The following UTP20 variants were observed in gnomAD, a reference collection of about 807,000 sequenced individuals.
UTP20 encodes the protein UTP20 small subunit processome component, also known as small subunit processome component 20 homolog.
In UTP20, 164 loss-of-function variants were observed where a neutral mutation model predicts 329.5. The ratio of observed to expected loss-of-function variants is 0.50; its 90% CI spans 0.44 to 0.57. The LOEUF is 0.57. UTP20 is among the 20% of genes least tolerant of loss of function. The probability of loss-of-function intolerance (pLI) is 0.00; values close to 1 mark genes in which losing one functional copy is unlikely to be tolerated. For missense variants in UTP20, 3,055 were observed against 3,284.2 expected, an observed-to-expected ratio of 0.93 and a Z score of 1.71; for synonymous variants, 1,151 against 1,159.3, an observed-to-expected ratio of 0.99 and a Z score of 0.14.
At chr12:101,314,935 TA>T (rs946140780) in intron 21 of UTP20, among the ~76,000 whole-genome samples, 13 of 150,948 alleles carry the variant, frequency 8.6e-5, no homozygotes, top group African/African-American at 3.2e-4. Flanking sequence ...CTACTAAAAA[TA>T]CAAAAATTAG....
At chr12:101,360,273 G>A (rs1284561412) in intron 43 of UTP20, among the ~76,000 whole-genome samples, 3 of 152,172 alleles carry the variant, frequency 2.0e-5, no homozygotes, top group African/African-American at 7.2e-5. Context: ...ACAGTGGTGT[G>A]TACCTTTAGT....
At chr12:101,321,461 CTG>C in intron 24 of UTP20, 41 bp from the exon 25 acceptor site, 1 of 1,606,028 alleles carries the variant, frequency 6.2e-7, no homozygotes, top group East Asian at 2.2e-5. Context: ...TTCAAAAGCA[CTG>C]TTGATAAAGT....
chr12:101,296,647 C>A (rs1007113515), intron 12 of UTP20, among the ~76,000 whole-genome samples: 2 of 151,494 alleles, frequency 1.3e-5, no homozygotes, highest in African/African-American at 4.9e-5. Context: ...ACTGAGGAGG[C>A]TGAGGCAGGA....
At chr12:101,311,599 A>G (rs996856131) in intron 19 of UTP20, 120 bp from the exon 20 acceptor site, 5 of 875,722 alleles carry the variant, frequency 5.7e-6, no homozygotes, top group African/African-American at 5.1e-5. Flanking sequence ...ACGACTCCAC[A>G]TTGAGGGATA....
At position 101,291,797 on chromosome 12, in the gene UTP20, C is replaced by T; in HGVS notation, c.947C>T (p.Ser316Phe). The stretch of plus-strand genomic sequence containing the variant: ...ACAAAAACTAACTGTTGTGAAAGTT[C>T]TGAACAGATTAAAAGGTTGTTGGAA... ...KVTKTNCCESSEQIKRLLETY... is the reference protein window; with the variant it reads ...KVTKTNCCESFEQIKRLLETY... Residue 316 changes from serine to phenylalanine, a missense_variant, in exon 9 of 62, where the codon TCT becomes TTT. By Grantham distance (155) the Ser-to-Phe change is radical. This residue lies in a region of UTP20 where 2,445 missense variants were observed against 2,575.5 expected (regional missense o/e 0.95). Transcript: ENST00000261637. The T allele has an allele frequency of 6.2e-7, 1 of 1,612,770 alleles. No homozygotes were observed. Among genetic ancestry groups the T allele is most frequent in the Non-Finnish European group, 8.5e-7 (1 of 1,179,634 alleles).
At chr12:101,372,788 T>A (rs1870336573) in intron 51 of UTP20, 96 bp from the exon 52 acceptor site, 3 of 984,514 alleles carry the variant, frequency 3.0e-6, no homozygotes, top group Admixed American at 2.0e-5. Context: ...TCTGTAAAGT[T>A]TTTATAACCT....
At chr12:101,286,532 A>G (rs759695659) in intron 5 of UTP20, 23 bp downstream of exon 5, 1 of 1,499,696 alleles carries the variant, frequency 6.7e-7, no homozygotes, top group South Asian at 1.4e-5. Context: ...TCTCTCTAGT[A>G]TGTTTTTTAA....
intron 21 of UTP20, among the ~76,000 whole-genome samples, chr12:101,314,536 T>C (rs772262311): frequency 5.9e-5 from 9 of 151,826 alleles, no homozygotes; most frequent in Non-Finnish European, 8.8e-5. Flanking sequence ...TGGGTGCCTG[T>C]AGTCCCAGCT....
intron 37 of UTP20, 133 bp downstream of exon 37, chr12:101,345,827 A>G: frequency 3.7e-6 from 3 of 801,362 alleles, no homozygotes; most frequent in Non-Finnish European, 5.6e-6. Context: ...CTTTATGATC[A>G]TCATTGAAAT....
intron 11 of UTP20, 65 bp downstream of exon 11, chr12:101,293,310 T>C (rs1872233879): frequency 2.1e-6 from 3 of 1,442,764 alleles, no homozygotes; most frequent in African/African-American, 2.8e-5. Flanking sequence ...ACGATCAAAT[T>C]TGAAATCCTG....
intron 40 of UTP20, among the ~76,000 whole-genome samples, chr12:101,354,368 A>G (rs936089984): frequency 2.0e-5 from 3 of 152,032 alleles, no homozygotes; most frequent in African/African-American, 7.2e-5. Context: ...CCAAACATTC[A>G]AGGGGTAGAT....
At chr12:101,316,790 A>G (rs1217620895) in intron 21 of UTP20, among the ~76,000 whole-genome samples, 1 of 152,256 alleles carries the variant, frequency 6.6e-6, no homozygotes, top group African/African-American at 2.4e-5. Flanking sequence ...AATGCATTAA[A>G]TGACAGACTT....
intron 26 of UTP20, among the ~76,000 whole-genome samples, chr12:101,328,868 CAAA>C (rs34117186): frequency 2.8e-5 from 3 of 106,028 alleles, no homozygotes; most frequent in Non-Finnish European, 4.0e-5. Context: ...GACTCTGTCT[CAAA>C]AAAAAAAAAA....
At position 101,373,672 on chromosome 12, in the gene UTP20, G is replaced by T; in HGVS notation, c.7036G>T (p.Ala2346Ser). The change falls in exon 54 of 62, where the codon GCA becomes TCA. Residue 2346 changes from alanine (A) to serine (S), a missense_variant. Physicochemically the swap from Ala to Ser is moderately conservative, Grantham distance 99 (BLOSUM62 1). Coordinates refer to ENST00000261637, the MANE Select transcript of UTP20 (RefSeq NM_014503.3). The stretch of plus-strand genomic sequence containing the variant: ...TGACTCTGCCACGTGCAAAAAGATG[G>T]CATCCATGACAATCAAGTCCCTACT... ...NDDSATCKKMASMTIKSLLGK... is the reference protein window; with the variant it reads ...NDDSATCKKMSSMTIKSLLGK... 1.2e-6 allele frequency: 2 copies of T among 1,612,972 alleles called. No individual in the cohort carries two copies. The highest frequency in any genetic ancestry group is 1.7e-6 in the Non-Finnish European group (2 of 1,179,814).
chr12:101,311,537 T>C (rs530040398), intron 19 of UTP20, among the ~76,000 whole-genome samples, 182 bp from the exon 20 acceptor site: 1 of 152,226 alleles, frequency 6.6e-6, no homozygotes, highest in Non-Finnish European at 1.5e-5. Flanking sequence ...TAAAAATGAT[T>C]TGTGCTCAGT....
intron 25 of UTP20, among the ~76,000 whole-genome samples, chr12:101,326,069 A>G (rs976809895): frequency 8.5e-5 from 13 of 152,220 alleles, no homozygotes; most frequent in African/African-American, 3.1e-4. Flanking sequence ...GATTCATTCA[A>G]AGTGCAAGAT....
chr12:101,328,115 T>C (rs1868630799), intron 26 of UTP20, among the ~76,000 whole-genome samples: 1 of 152,214 alleles, frequency 6.6e-6, no homozygotes, highest in Admixed American at 6.5e-5. Flanking sequence ...GGGTATTCTG[T>C]TGCATTTGTT....
chr12:101,306,166 G>T, intron 16 of UTP20, 101 bp downstream of exon 16: 1 of 1,382,390 alleles, frequency 7.2e-7, no homozygotes, highest in Non-Finnish European at 9.7e-7. Flanking sequence ...GTGTTGCTGT[G>T]GGATGATTTC....
In UTP20 at chr12:101,345,656, C is replaced by G; in HGVS notation, c.4708C>G (p.Pro1570Ala). 1 of 1,611,426 alleles carries G rather than the reference C, an allele frequency of 6.2e-7. No individual in the cohort carries two copies. Among genetic ancestry groups the G allele is most frequent in the South Asian group, 1.1e-5 (1 of 89,990 alleles). Residue 1570 changes from proline (P) to alanine (A), a missense_variant, in exon 37 of 62, where the codon CCA becomes GCA. Around this residue, in one of 3 missense-constraint regions of UTP20, gnomAD observed 2,445 missense variants for 2,575.5 expected, o/e 0.95. Transcript: ENST00000261637. ...DLVQLTHYHDPEMDFFENMKH... is the reference protein window; with the variant it reads ...DLVQLTHYHDAEMDFFENMKH... ...GGTACAACTTACTCATTACCATGAC[C>G]CAGAAATGGACTTCTTTGAGAACAT...
Sources: allele counts gnomAD v4.1 joint callset (sites outside exome capture counted in the v4.1 genomes callset), GRCh38; gene constraint gnomAD v4.1.1; regional missense constraint gnomAD v4.1.1; transcripts MANE v1.5; gene names NCBI Gene and HGNC (gene_info 2026-07-23, HGNC 2026-07-21).